Variants in DLG2 observed in about 807,000 individuals in gnomAD.
DLG2 encodes discs large MAGUK scaffold protein 2.
In DLG2, 45 loss-of-function variants were observed where a neutral mutation model predicts 132.5. The observed-to-expected ratio is 0.34, with a 90% CI of 0.27 to 0.44. DLG2 has a LOEUF of 0.44. Among genes scored for constraint, DLG2 ranks in the 20% least tolerant of loss-of-function variants. DLG2 has a pLI of 1.00. For missense variants in DLG2, 1,045 were observed against 1,196.9 expected, an observed-to-expected ratio of 0.87 and a Z score of 1.87; for synonymous variants, 424 against 419.6, an observed-to-expected ratio of 1.01 and a Z score of -0.13.
chr11:84,529,999 A>T (rs1234473601), intron 7 of DLG2, among the ~76,000 whole-genome samples: 2 of 152,132 alleles, frequency 1.3e-5, no homozygotes, highest in African/African-American at 4.8e-5. Context: ...CACACCGACG[A>T]TTATCTGATC....
chr11:85,403,650 C>T (rs1167986967), intron 3 of DLG2, among the ~76,000 whole-genome samples: 1 of 151,792 alleles, frequency 6.6e-6, no homozygotes, highest in Non-Finnish European at 1.5e-5. Context: ...AAGGAAAATG[C>T]AACTGGAGAT....
At chr11:85,056,119 A>G (rs2063429277) in intron 6 of DLG2, among the ~76,000 whole-genome samples, 1 of 152,078 alleles carries the variant, frequency 6.6e-6, no homozygotes, top group South Asian at 2.1e-4. Context: ...TAAAAGAAAA[A>G]ACAGAACAGA....
chr11:85,087,879 GA>G (rs1163881389), intron 6 of DLG2, among the ~76,000 whole-genome samples: 1 of 146,940 alleles, frequency 6.8e-6, no homozygotes, highest in Non-Finnish European at 1.5e-5. Flanking sequence ...ACAGATCATG[GA>G]GGGATTTGAG....
chr11:85,583,693 C>A (rs930932646), intron 3 of DLG2, among the ~76,000 whole-genome samples: 5 of 152,130 alleles, frequency 3.3e-5, no homozygotes, highest in African/African-American at 1.2e-4. Context: ...GGAGCCAGAA[C>A]TGACAGGATA....
intron 9 of DLG2, among the ~76,000 whole-genome samples, chr11:84,155,099 AC>A (rs1440137200): frequency 6.6e-6 from 1 of 152,150 alleles, no homozygotes; most frequent in Non-Finnish European, 1.5e-5. Flanking sequence ...CAAAAAGTGG[AC>A]CTATTTTTAT....
chr11:84,154,990 G>A (rs1005610786), intron 9 of DLG2, among the ~76,000 whole-genome samples: 3 of 152,036 alleles, frequency 2.0e-5, no homozygotes, highest in African/African-American at 7.2e-5. Flanking sequence ...CTACAGAATG[G>A]GAGAAAATTT....
chr11:83,544,984 G>T (rs370482691), intron 19 of DLG2, among the ~76,000 whole-genome samples: 1 of 152,076 alleles, frequency 6.6e-6, no homozygotes, highest in Non-Finnish European at 1.5e-5. Context: ...CTAAATTCCT[G>T]AAACTCCCTT....
intron 18 of DLG2, among the ~76,000 whole-genome samples, chr11:83,642,383 T>C (rs2066839352): frequency 6.6e-6 from 1 of 152,200 alleles, no homozygotes; most frequent in Non-Finnish European, 1.5e-5. Flanking sequence ...CCCTTCTCTG[T>C]TTTCAGATAG....
At chr11:84,745,522 A>G (rs550722698) in intron 6 of DLG2, among the ~76,000 whole-genome samples, 1 of 151,850 alleles carries the variant, frequency 6.6e-6, no homozygotes, top group South Asian at 2.1e-4. Context: ...AACCAATTAA[A>G]CCCCTTTTCT....
chr11:85,498,234 G>A (rs563989724), intron 3 of DLG2, among the ~76,000 whole-genome samples: 13 of 152,232 alleles, frequency 8.5e-5, no homozygotes, highest in African/African-American at 2.9e-4. Context: ...GATGGAGGAA[G>A]ATCTACAAAG....
chr11:83,500,244 C>A (rs1458877380), intron 21 of DLG2, among the ~76,000 whole-genome samples: 2 of 151,992 alleles, frequency 1.3e-5, no homozygotes, highest in Non-Finnish European at 2.9e-5. Flanking sequence ...ATATTTGGTG[C>A]ATGAATAAAT....
intron 7 of DLG2, among the ~76,000 whole-genome samples, chr11:84,371,630 A>T (rs1365291999): frequency 6.6e-6 from 1 of 152,182 alleles, no homozygotes; most frequent in African/African-American, 2.4e-5. Context: ...TTAACATTTT[A>T]AAATGTAAGA....
intron 6 of DLG2, among the ~76,000 whole-genome samples, chr11:84,802,178 C>A (rs1483419975): frequency 1.3e-5 from 2 of 150,922 alleles, no homozygotes; most frequent in Non-Finnish European, 2.9e-5. Context: ...TTCTAGGTTT[C>A]TCATGTACTA....
chr11:83,996,871 T>C (rs1350555510), intron 11 of DLG2, among the ~76,000 whole-genome samples: 1 of 152,022 alleles, frequency 6.6e-6, no homozygotes, highest in Non-Finnish European at 1.5e-5. Flanking sequence ...GGTTAATATG[T>C]ACAAATAAAT....
intron 7 of DLG2, among the ~76,000 whole-genome samples, chr11:84,379,269 T>C (rs1440117261): frequency 1.3e-5 from 2 of 152,052 alleles, no homozygotes; most frequent in South Asian, 2.1e-4. Flanking sequence ...TATGTTCTAA[T>C]ATGTTCAAGA....
intron 7 of DLG2, among the ~76,000 whole-genome samples, chr11:84,398,570 T>A (rs2098818806): frequency 6.6e-6 from 1 of 152,196 alleles, no homozygotes; most frequent in East Asian, 1.9e-4. Context: ...GCATTTGCAA[T>A]ATTCATTTCC....
intron 17 of DLG2, among the ~76,000 whole-genome samples, chr11:83,825,144 C>T (rs1190245746): frequency 2.3e-5 from 2 of 88,254 alleles, no homozygotes; most frequent in Non-Finnish European, 4.7e-5. Flanking sequence ...CACACACACA[C>T]ACACACACAT....
intron 3 of DLG2, among the ~76,000 whole-genome samples, chr11:85,491,757 T>C (rs549804974): frequency 6.6e-6 from 1 of 152,110 alleles, no homozygotes; most frequent in South Asian, 2.1e-4. Context: ...AAGTCACAAA[T>C]AAATAGAGAG....
chr11:84,685,008 T>A (rs1243243976), intron 6 of DLG2, among the ~76,000 whole-genome samples: 1 of 152,230 alleles, frequency 6.6e-6, no homozygotes, highest in African/African-American at 2.4e-5. Context: ...TTTTTGATTC[T>A]TACTTAGACA....
Sources: gnomAD v4.1 joint callset for allele counts (sites outside exome capture counted in the v4.1 genomes callset) on GRCh38, gnomAD v4.1.1 for gene constraint, MANE v1.5 for transcripts, NCBI Gene and HGNC (gene_info 2026-07-23, HGNC 2026-07-21) for gene names.